Variants in IL4R observed in about 807,000 individuals in gnomAD.
The protein encoded by IL4R is interleukin-4 receptor subunit alpha.
IL4R carries 17 observed loss-of-function variants against 41.5 expected under a neutral mutation model. The observed-to-expected ratio is 0.41, with a 90% CI of 0.28 to 0.61. The LOEUF (loss-of-function observed/expected upper bound fraction) is 0.61, where lower values mean the gene tolerates loss of function less well. IL4R is among the 20% of genes least tolerant of loss of function. IL4R has a pLI of 0.31. For missense variants in IL4R, 974 were observed against 1,043.1 expected (o/e 0.93, Z 0.91); for synonymous variants, 402 against 422.9 (o/e 0.95, Z 0.61).
chr16:27,363,324 G>C lies in IL4R; in HGVS notation c.1972G>C (p.Asp658His). ...TGTCCCCTTGTTCACCTTTGGACTG[G>C]ACAGGGAGCCACCTCGCAGTCCGCA... ...VPVPLFTFGL[D>H]REPPRSPQSS... Residue 658 changes from aspartate to histidine, a missense_variant, in exon 11 of 11, where the codon GAC becomes CAC. By Grantham distance (81) the Asp-to-His change is moderately conservative. Coordinates refer to ENST00000395762, the MANE Select transcript of IL4R (RefSeq NM_000418.4). 1 of 1,613,310 alleles carries C rather than the reference G, an allele frequency of 6.2e-7. No homozygotes were observed.
In IL4R at chr16:27,363,769, G is replaced by T; in HGVS notation, c.2417G>T (p.Ser806Ile). The stretch of plus-strand genomic sequence containing the variant: ...GCCCCTGGCAATGCTCAGAGCTCAA[G>T]CCAGACCCCCAAAATCGTGAACTTT... ...HPAPGNAQSS[S>I]QTPKIVNFVS... Residue 806 changes from serine to isoleucine, a missense_variant, in exon 11 of 11, where the codon AGC becomes ATC. Around this residue, in one of 3 missense-constraint regions of IL4R, gnomAD observed 682 missense variants for 704.3 expected, o/e 0.97. Transcript: ENST00000395762. 1.2e-6 allele frequency: 2 copies of T among 1,611,760 alleles called. No homozygotes were observed. The highest frequency in any genetic ancestry group is 1.7e-6 in the Non-Finnish European group (2 of 1,180,016).
At chr16:27,347,421 C>A (rs1237349854) in intron 6 of IL4R, among the ~76,000 whole-genome samples, 1 of 152,184 alleles carries the variant, frequency 6.6e-6, no homozygotes, top group African/African-American at 2.4e-5. Flanking sequence ...AAACTCCTGA[C>A]CTCAGATGAT....
intron 1 of IL4R, among the ~76,000 whole-genome samples, chr16:27,323,822 T>A (rs1238225935): frequency 6.6e-6 from 1 of 151,354 alleles, no homozygotes. Flanking sequence ...TGCCTGGCAA[T>A]TTTTTTTTGT....
intron 1 of IL4R, among the ~76,000 whole-genome samples, chr16:27,328,947 T>G (rs1041027520): frequency 1.3e-5 from 2 of 152,150 alleles, no homozygotes; most frequent in Admixed American, 1.3e-4. Flanking sequence ...TTTTCTAGTC[T>G]TTTGCTTGCT....
intron 1 of IL4R, among the ~76,000 whole-genome samples, chr16:27,324,499 C>T (rs933527553): frequency 1.3e-5 from 2 of 152,142 alleles, no homozygotes; most frequent in South Asian, 2.1e-4. Context: ...TGGCTGTGAG[C>T]GGGATCGACA....
chr16:27,358,494 C>T lies in IL4R; in HGVS notation c.771-422C>T, dbSNP rs1191325448. Among the ~76,000 whole-genome samples the T allele has an allele frequency of 2.6e-5, 4 of 152,236 alleles. No individual in the cohort carries two copies. The East Asian group carries it at 7.7e-4, about 29-fold the overall frequency. On this transcript the variant is annotated intron_variant, in intron 8 of 10. Transcript: ENST00000395762. ...CCCCAGCTTCCCAGGCCATCCCAGG[C>T]CATTCCCTGGTCATTTGCCCTCAGC...
At chr16:27,349,525 C>T (rs1350786383) in intron 6 of IL4R, among the ~76,000 whole-genome samples, 1 of 152,082 alleles carries the variant, frequency 6.6e-6, no homozygotes, top group East Asian at 1.9e-4. Flanking sequence ...GCAGAGGGAA[C>T]TGCATGATAA....
At chr16:27,320,386 A>G (rs1282057995) in intron 1 of IL4R, among the ~76,000 whole-genome samples, 1 of 152,254 alleles carries the variant, frequency 6.6e-6, no homozygotes, top group Non-Finnish European at 1.5e-5. Flanking sequence ...TCCCGAAGCC[A>G]TGGCCCCAAC....
In IL4R at chr16:27,330,137, C is replaced by G. The variant is rs1187370864; in HGVS notation, c.-80C>G. On this transcript the variant is annotated 5_prime_UTR_variant, in exon 2 of 11. Coordinates refer to ENST00000395762, the MANE Select transcript of IL4R (RefSeq NM_000418.4). ...GGCGTGGTGGCTCATGCCTATAATC[C>G]CAGCACTTTTGGAGGCTGAGGCGGG... The G allele has an allele frequency of 6.6e-6, 1 of 151,816 alleles. No individual in the cohort carries two copies. Among genetic ancestry groups the G allele is most frequent in the African/African-American group, 2.4e-5 (1 of 41,338 alleles). The allele number at this position is 151,816 out of a possible 1,614,324, so 9.4% of individuals were successfully genotyped here.
intron 7 of IL4R, among the ~76,000 whole-genome samples, chr16:27,353,335 A>C (rs2085944571): frequency 6.6e-6 from 1 of 151,122 alleles, no homozygotes; most frequent in African/African-American, 2.4e-5. Flanking sequence ...AAAATAAATA[A>C]ATACAATGAA....
chr16:27,324,536 G>A (rs960795559), intron 1 of IL4R, among the ~76,000 whole-genome samples: 6 of 152,214 alleles, frequency 3.9e-5, no homozygotes, highest in Non-Finnish European at 7.3e-5. Context: ...TGGCCTTGCA[G>A]TAGGGGATAT....
At chr16:27,333,876 C>T (rs1465236540) in intron 2 of IL4R, among the ~76,000 whole-genome samples, 1 of 141,832 alleles carries the variant, frequency 7.1e-6, no homozygotes, top group African/African-American at 2.7e-5. Flanking sequence ...AACTCCACCA[C>T]TTCAGGAATC....
chr16:27,330,432 A>C (rs2085082270), intron 2 of IL4R, among the ~76,000 whole-genome samples: 1 of 151,618 alleles, frequency 6.6e-6, no homozygotes, highest in Non-Finnish European at 1.5e-5. Context: ...TCACAGAGAG[A>C]CCCCTGCTTC....
intron 2 of IL4R, among the ~76,000 whole-genome samples, chr16:27,337,832 G>A (rs982210792): frequency 2.7e-4 from 41 of 151,726 alleles, no homozygotes; most frequent in African/African-American, 9.2e-4. Context: ...GATTACAGAT[G>A]TGAGCCACCA....
At chr16:27,349,740 C>CAACAAA (rs2085797109) in intron 6 of IL4R, among the ~76,000 whole-genome samples, 1 of 152,026 alleles carries the variant, frequency 6.6e-6, no homozygotes, top group Non-Finnish European at 1.5e-5. Context: ...AATGGCAGGG[C>CAACAAA]TGAGTTTTTG....
intron 1 of IL4R, among the ~76,000 whole-genome samples, chr16:27,320,915 C>G (rs1175674115): frequency 6.6e-6 from 1 of 151,770 alleles, no homozygotes; most frequent in African/African-American, 2.4e-5. Context: ...AGAAAATCTT[C>G]CTGAGATTTA....
At chr16:27,342,033 G>T (rs754828619) in intron 3 of IL4R, 88 bp from the exon 4 acceptor site, 1 of 1,477,532 alleles carries the variant, frequency 6.8e-7, no homozygotes, top group Non-Finnish European at 9.2e-7. Context: ...CTGTGCTTTT[G>T]TGCTATTCCC....
At chr16:27,330,012 G>A (rs981030874) in intron 1 of IL4R, 54 bp from the exon 2 acceptor site, 2 of 152,040 alleles carry the variant, frequency 1.3e-5, no homozygotes, top group Non-Finnish European at 2.9e-5. Flanking sequence ...AGAGGGATAA[G>A]CAGGGGAATT....
rs1205949579 is a variant in IL4R, at chr16:27,363,288, G to A, written c.1936G>A (p.Ala646Thr). ...CATTCCTGGCTGCCCTGGGGACCCTGCCCCAGTCCCTGTCCCCTTGTTCAC... is the reference window on the plus strand; with the variant it reads ...CATTCCTGGCTGCCCTGGGGACCCTACCCCAGTCCCTGTCCCCTTGTTCAC... Reference protein sequence around the residue: ...DLIPGCPGDPAPVPVPLFTFG... With the variant: ...DLIPGCPGDPTPVPVPLFTFG... The change falls in exon 11 of 11, where the codon GCC (alanine) becomes ACC (threonine). Residue 646 changes from alanine to threonine, a missense_variant. Ala to Thr is a moderately conservative substitution (Grantham distance 58). Transcript: ENST00000395762. 1.2e-6 allele frequency: 2 copies of A among 1,605,764 alleles called. No homozygotes were observed. The highest frequency in any genetic ancestry group is 1.7e-5 in the Admixed American group (1 of 59,450).
Sources: allele counts gnomAD v4.1 joint callset (sites outside exome capture counted in the v4.1 genomes callset), GRCh38; gene constraint gnomAD v4.1.1; regional missense constraint gnomAD v4.1.1; transcripts MANE v1.5; gene names NCBI Gene and HGNC (gene_info 2026-07-23, HGNC 2026-07-21).